SIRT1: variants seen among roughly 807,000 people sequenced by gnomAD.
The protein encoded by SIRT1 is sirtuin 1.
SIRT1 carries 24 observed loss-of-function variants against 67.9 expected under a neutral mutation model. The ratio of observed to expected loss-of-function variants is 0.35; its 90% confidence interval spans 0.26 to 0.50. The LOEUF is 0.50. Ranked by LOEUF, SIRT1 falls within the 20% of genes least tolerant of loss-of-function variation. SIRT1 has a pLI of 0.98. For synonymous variants in SIRT1, 378 were observed against 350.7 expected (o/e 1.08, Z -0.87); for missense variants, 873 against 937.2 (o/e 0.93, Z 0.89).
chr10:67,901,537 T>C (rs1161021362), intron 4 of SIRT1, among the ~76,000 whole-genome samples: 2 of 152,232 alleles, frequency 1.3e-5, no homozygotes, highest in African/African-American at 4.8e-5. Flanking sequence ...GCAGACTGCA[T>C]AGGGTCTCTG....
intron 4 of SIRT1, among the ~76,000 whole-genome samples, chr10:67,902,912 T>C (rs530772971): frequency 2.0e-5 from 3 of 152,256 alleles, no homozygotes; most frequent in African/African-American, 7.2e-5. Context: ...CTGGCCAACA[T>C]GGTGAAACCC....
intron 4 of SIRT1, among the ~76,000 whole-genome samples, chr10:67,899,302 C>A (rs1842705888): frequency 6.6e-6 from 1 of 150,400 alleles, no homozygotes. Flanking sequence ...ACATTCTTAG[C>A]ATTAAAAAAA....
At chr10:67,907,354 G>A (rs903880896) in intron 5 of SIRT1, among the ~76,000 whole-genome samples, 1 of 151,998 alleles carries the variant, frequency 6.6e-6, no homozygotes, top group East Asian at 1.9e-4. Flanking sequence ...AATTAGCCGG[G>A]CATGGTGGCA....
At chr10:67,898,658 A>G in intron 4 of SIRT1, among the ~76,000 whole-genome samples, 1 of 152,186 alleles carries the variant, frequency 6.6e-6, no homozygotes, top group East Asian at 1.9e-4. Context: ...AGCTGGATTT[A>G]TGTTACATTT....
intron 4 of SIRT1, among the ~76,000 whole-genome samples, chr10:67,896,322 C>T (rs1402550605): frequency 6.6e-6 from 1 of 152,044 alleles, no homozygotes; most frequent in Non-Finnish European, 1.5e-5. Flanking sequence ...TTTCTTTTTT[C>T]TTTGTAGAGT....
chr10:67,901,379 T>C (rs1842742532), intron 4 of SIRT1, among the ~76,000 whole-genome samples: 1 of 152,148 alleles, frequency 6.6e-6, no homozygotes, highest in South Asian at 2.1e-4. Flanking sequence ...AAAACAGGGC[T>C]CTGCTACTTA....
intron 7 of SIRT1, among the ~76,000 whole-genome samples, chr10:67,910,018 T>C (rs550837182): frequency 1.3e-5 from 2 of 152,188 alleles, no homozygotes; most frequent in East Asian, 3.9e-4. Context: ...GGCTGAACTG[T>C]TTTTTTAGGT....
chr10:67,890,643 G>A (rs1406977123), intron 3 of SIRT1, among the ~76,000 whole-genome samples: 1 of 152,056 alleles, frequency 6.6e-6, no homozygotes, highest in Non-Finnish European at 1.5e-5. Context: ...TGAGGTGGGA[G>A]GATTGCTTGA....
At chr10:67,898,204 A>G (rs1589075059) in intron 4 of SIRT1, among the ~76,000 whole-genome samples, 1 of 148,960 alleles carries the variant, frequency 6.7e-6, no homozygotes, top group African/African-American at 2.5e-5. Context: ...GGTTGCAGTG[A>G]GCTGAGATGG....
At chr10:67,906,736 C>T (rs947686489) in intron 4 of SIRT1, 54 bp from the exon 5 acceptor site, 2 of 1,530,380 alleles carry the variant, frequency 1.3e-6, no homozygotes, top group Non-Finnish European at 8.9e-7. Context: ...AAACATATGA[C>T]ATCTGTAGTT....
intron 4 of SIRT1, among the ~76,000 whole-genome samples, chr10:67,894,056 C>G (rs1031563168): frequency 2.6e-5 from 4 of 152,172 alleles, no homozygotes; most frequent in African/African-American, 9.7e-5. Context: ...AGGAAGATCT[C>G]TTGAACTCCG....
rs60883216 is a variant in SIRT1 at position 67,892,598 on chromosome 10, C to CT, written c.942+1057dup. ...ATATATGTATGTTTTTTGAAGTTTACTTTTTTTTTTTTTCTTTTTTTGAGA... is the reference window on the plus strand; with the variant it reads ...ATATATGTATGTTTTTTGAAGTTTACTTTTTTTTTTTTTTCTTTTTTTGAGA... On this transcript the variant is annotated intron_variant, in intron 4 of 8. Coordinates refer to ENST00000212015, the MANE Select transcript of SIRT1 (RefSeq NM_012238.5). 4.2e-3 allele frequency among the ~76,000 whole-genome samples: 619 copies of CT among 145,672 alleles called. 1 individual carries two copies. Among genetic ancestry groups the CT allele is most frequent in the African/African-American group, 7.0e-3 (280 of 39,926 alleles).
At chr10:67,914,729 C>T (rs528743752) in intron 8 of SIRT1, among the ~76,000 whole-genome samples, 3 of 151,782 alleles carry the variant, frequency 2.0e-5, no homozygotes, top group Admixed American at 1.3e-4. Context: ...TTTTTTGAGA[C>T]GGAGTTTTGC....
chr10:67,901,263 G>T (rs1415437278), intron 4 of SIRT1, among the ~76,000 whole-genome samples: 5 of 151,984 alleles, frequency 3.3e-5, no homozygotes, highest in African/African-American at 1.2e-4. Flanking sequence ...CTCCTGACTA[G>T]CTGTGACCAC....
intron 4 of SIRT1, 57 bp from the exon 5 acceptor site, chr10:67,906,733 T>C (rs917592773): frequency 3.2e-5 from 48 of 1,519,890 alleles, no homozygotes; most frequent in African/African-American, 2.0e-4. Context: ...GTTAAACATA[T>C]GACATCTGTA....
intron 4 of SIRT1, among the ~76,000 whole-genome samples, chr10:67,894,929 C>T (rs1173301023): frequency 3.9e-5 from 6 of 152,094 alleles, no homozygotes; most frequent in Admixed American, 2.6e-4. Flanking sequence ...TCGTCGTGAC[C>T]TCGTGATCCG....
chr10:67,902,154 A>G (rs775228525), intron 4 of SIRT1, among the ~76,000 whole-genome samples: 1 of 152,070 alleles, frequency 6.6e-6, no homozygotes, highest in Non-Finnish European at 1.5e-5. Flanking sequence ...ACGCCCGGCT[A>G]GTTATTGTAT....
intron 4 of SIRT1, among the ~76,000 whole-genome samples, chr10:67,896,983 CTG>C (rs1244381545): frequency 1.3e-5 from 2 of 152,000 alleles, no homozygotes; most frequent in African/African-American, 4.8e-5. Flanking sequence ...TGGCAAAACC[CTG>C]TCTCTACTAA....
At chr10:67,892,447 C>G (rs1842588347) in intron 4 of SIRT1, among the ~76,000 whole-genome samples, 1 of 151,978 alleles carries the variant, frequency 6.6e-6, no homozygotes, top group Non-Finnish European at 1.5e-5. Context: ...GTGGTGTGCA[C>G]CTGTAGACCC....
Sources: gnomAD v4.1 joint callset for allele counts (sites outside exome capture counted in the v4.1 genomes callset) on GRCh38, gnomAD v4.1.1 for gene constraint, MANE v1.5 for transcripts, NCBI Gene and HGNC (gene_info 2026-07-23, HGNC 2026-07-21) for gene names.